GPR158: variants seen among roughly 807,000 people sequenced by gnomAD.
The protein encoded by GPR158 is G protein-coupled receptor 158.
GPR158 carries 30 observed loss-of-function variants against 78.2 expected under a neutral mutation model. That is an observed-to-expected ratio of 0.38 (90% CI 0.29 to 0.52). GPR158 has a LOEUF of 0.52. GPR158 is among the 20% of genes least tolerant of loss of function. The probability of loss-of-function intolerance (pLI) is 0.83; values close to 1 mark genes in which losing one functional copy is unlikely to be tolerated. For missense variants in GPR158, 1,463 were observed against 1,523.5 expected (o/e 0.96, Z 0.66); for synonymous variants, 581 against 591.1 (o/e 0.98, Z 0.25).
intron 2 of GPR158, among the ~76,000 whole-genome samples, chr10:25,313,419 GAA>G (rs1258138068): frequency 6.6e-6 from 1 of 151,508 alleles, no homozygotes; most frequent in Non-Finnish European, 1.5e-5. Context: ...TTTAAAAAAA[GAA>G]AAACACTTGG....
chr10:25,221,294 C>T, intron 2 of GPR158, 137 bp downstream of exon 2: 2 of 510,730 alleles, frequency 3.9e-6, no homozygotes. Flanking sequence ...GCCAAATGAA[C>T]TAAAATAGGA....
intron 2 of GPR158, among the ~76,000 whole-genome samples, chr10:25,240,573 T>C (rs1465767700): frequency 1.3e-5 from 2 of 152,150 alleles, no homozygotes; most frequent in Non-Finnish European, 2.9e-5. Flanking sequence ...GAATTTTGAT[T>C]AGAAATGATA....
Position 25,588,990 on chromosome 10 carries a change from G to A in GPR158, c.1754-17G>A, listed in dbSNP as rs1487471607. 6.6e-7 allele frequency: 1 copy of A among 1,516,802 alleles called. No homozygotes were observed. The highest frequency in any genetic ancestry group is 9.0e-7 in the Non-Finnish European group (1 of 1,115,398). 94.0% of individuals were successfully genotyped at this position (1,516,802 alleles called of 1,614,324 possible). ...TTCACCTATAAAACTCATGAAAATGGTTTGTTATTTTCACAGCTGAATTTT... is the reference window on the plus strand; with the variant it reads ...TTCACCTATAAAACTCATGAAAATGATTTGTTATTTTCACAGCTGAATTTT... On this transcript the variant is annotated splice_polypyrimidine_tract_variant and intron_variant, in intron 7 of 10. Transcript: ENST00000376351.
At chr10:25,487,424 A>G (rs904360252) in intron 5 of GPR158, among the ~76,000 whole-genome samples, 1 of 152,194 alleles carries the variant, frequency 6.6e-6, no homozygotes, top group African/African-American at 2.4e-5. Flanking sequence ...CCTTGGCCGT[A>G]AATACCAGGC....
At chr10:25,327,157 G>T (rs2130486743) in intron 2 of GPR158, among the ~76,000 whole-genome samples, 1 of 152,124 alleles carries the variant, frequency 6.6e-6, no homozygotes, top group Admixed American at 6.5e-5. Context: ...ATAAGTGAAA[G>T]AAAGCACACA....
At chr10:25,200,252 C>G (rs1476148778) in intron 1 of GPR158, among the ~76,000 whole-genome samples, 1 of 152,090 alleles carries the variant, frequency 6.6e-6, no homozygotes, top group Admixed American at 6.6e-5. Flanking sequence ...ATTTGTATTT[C>G]TCTAATGATT....
chr10:25,232,762 A>G (rs986496106), intron 2 of GPR158, among the ~76,000 whole-genome samples: 1 of 152,192 alleles, frequency 6.6e-6, no homozygotes, highest in African/African-American at 2.4e-5. Flanking sequence ...ACAAGTGTCT[A>G]TTTCAAATTA....
chr10:25,540,072 T>A (rs184633934), intron 5 of GPR158, among the ~76,000 whole-genome samples: 356 of 152,148 alleles, frequency 2.3e-3, no homozygotes, highest in Non-Finnish European at 3.9e-3. Context: ...ATATCCAGAA[T>A]CTACAAAGAA....
At chr10:25,510,155 AGT>A (rs1355275798) in intron 5 of GPR158, among the ~76,000 whole-genome samples, 1 of 152,248 alleles carries the variant, frequency 6.6e-6, no homozygotes. Flanking sequence ...GACATAGATC[AGT>A]GTGCTCATCT....
chr10:25,520,849 C>G lies in GPR158; in HGVS notation c.1405-30127C>G, dbSNP rs574685839. ...CTGTGCCCTGCCCCCAGAGGTGGAGCCTACAGAGGCAGGCAGGCCTCCTTG... is the reference window on the plus strand; with the variant it reads ...CTGTGCCCTGCCCCCAGAGGTGGAGGCTACAGAGGCAGGCAGGCCTCCTTG... On this transcript the variant is annotated intron_variant, in intron 5 of 10. Transcript: ENST00000376351. Among the ~76,000 whole-genome samples the G allele has an allele frequency of 4.6e-5, 7 of 152,334 alleles. No homozygotes were observed. In the South Asian group the frequency reaches 6.2e-4, roughly 14 times the overall value.
chr10:25,200,868 GTTTT>G (rs56696555), intron 1 of GPR158, among the ~76,000 whole-genome samples: 3 of 113,304 alleles, frequency 2.6e-5, no homozygotes, highest in Non-Finnish European at 5.8e-5. Context: ...TTTTTGTTTT[GTTTT>G]TTTTTTTTTT....
chr10:25,197,112 G>A (rs995777442), intron 1 of GPR158, among the ~76,000 whole-genome samples: 2 of 152,168 alleles, frequency 1.3e-5, no homozygotes, highest in African/African-American at 4.8e-5. Flanking sequence ...GGATGTGGAG[G>A]GAGGAGGTAG....
intron 2 of GPR158, among the ~76,000 whole-genome samples, chr10:25,317,763 T>C (rs146396534): frequency 2.0e-5 from 3 of 149,104 alleles, no homozygotes; most frequent in African/African-American, 7.6e-5. Flanking sequence ...GAGTCTCGCT[T>C]CTTCACCCAG....
chr10:25,212,689 T>G (rs1480523538), intron 1 of GPR158, among the ~76,000 whole-genome samples: 1 of 140,548 alleles, frequency 7.1e-6, no homozygotes, highest in Admixed American at 7.9e-5. Context: ...TAGAGTGCAG[T>G]GGCGCCATCT....
At chr10:25,180,037 A>G (rs1852594704) in intron 1 of GPR158, among the ~76,000 whole-genome samples, 1 of 152,146 alleles carries the variant, frequency 6.6e-6, no homozygotes, top group Non-Finnish European at 1.5e-5. Context: ...GTTAGCAGGT[A>G]CTTAAGGGTT....
chr10:25,365,945 T>C (rs1456791772), intron 2 of GPR158, among the ~76,000 whole-genome samples: 2 of 151,726 alleles, frequency 1.3e-5, no homozygotes, highest in East Asian at 3.9e-4. Flanking sequence ...ATTACAGTTT[T>C]CTTTTTAAAA....
At chr10:25,362,210 A>G (rs1223723467) in intron 2 of GPR158, among the ~76,000 whole-genome samples, 1 of 151,974 alleles carries the variant, frequency 6.6e-6, no homozygotes, top group East Asian at 1.9e-4. Flanking sequence ...TTGTTGTAAA[A>G]GGTGTCCTTC....
intron 2 of GPR158, among the ~76,000 whole-genome samples, chr10:25,290,984 TA>T (rs544149112): frequency 6.6e-6 from 1 of 152,046 alleles, no homozygotes; most frequent in African/African-American, 2.4e-5. Flanking sequence ...TAGACAAAAG[TA>T]AAAAATAATA....
intron 2 of GPR158, among the ~76,000 whole-genome samples, chr10:25,225,373 A>T (rs1440832168): frequency 1.3e-5 from 2 of 152,104 alleles, no homozygotes; most frequent in African/African-American, 4.8e-5. Flanking sequence ...ATGGCCAAAT[A>T]TAAAGGCAAT....
Sources: allele counts gnomAD v4.1 joint callset (sites outside exome capture counted in the v4.1 genomes callset), GRCh38; gene constraint gnomAD v4.1.1; transcripts MANE v1.5; gene names NCBI Gene and HGNC (gene_info 2026-07-23, HGNC 2026-07-21).